VAMP2: variants seen among roughly 807,000 people sequenced by gnomAD.
VAMP2 encodes vesicle-associated membrane protein 2.
For missense variants in VAMP2, 95 were observed against 151.3 expected (o/e 0.63, Z 1.95); for synonymous variants, 67 against 57.3 (o/e 1.17, Z -0.76).
intron 1 of VAMP2, 155 bp from the exon 2 acceptor site, chr17:8,162,524 C>A (rs1983348290): frequency 5.9e-6 from 9 of 1,515,744 alleles, no homozygotes; most frequent in Non-Finnish European, 7.9e-6. Context: ...CCAGCCCTGC[C>A]GCCGATGAGC....
intron 2 of VAMP2, among the ~76,000 whole-genome samples, 165 bp from the exon 3 acceptor site, chr17:8,161,931 C>G (rs1025919856): frequency 6.6e-6 from 1 of 152,122 alleles, no homozygotes; most frequent in Non-Finnish European, 1.5e-5. Context: ...TGGGGACATG[C>G]AAGGAGCACA....
At position 8,161,087 on chromosome 17, in the gene VAMP2, C is replaced by G. The variant is rs553431099; in HGVS notation, c.335-216G>C. 3.4e-5 allele frequency: 19 copies of G among 557,218 alleles called. No individual in the cohort carries two copies. The East Asian group carries it at 5.0e-4, about 15-fold the overall frequency. The allele number at this position is 557,218 out of a possible 1,614,324, so 34.5% of individuals were successfully genotyped here. On this transcript the variant is annotated intron_variant, in intron 4 of 4. Transcript: ENST00000316509. ...GCTCCATGGTATGGCCTTGAAGCCA[C>G]AGACCCTAATCCTCTGAGCCTCTGA...
intron 4 of VAMP2, chr17:8,161,228 TA>T: frequency 1.6e-6 from 1 of 621,104 alleles, no homozygotes; most frequent in Non-Finnish European, 2.8e-6. Context: ...CTCTTAGGCC[TA>T]AAGGGTCCTC....
intron 1 of VAMP2, 60 bp downstream of exon 1, chr17:8,162,818 T>A: frequency 8.2e-7 from 1 of 1,214,590 alleles, no homozygotes; most frequent in South Asian, 4.1e-5. Flanking sequence ...CGACGGCCGG[T>A]TGCCAAGGGC....
chr17:8,162,120 G>A (rs1039474931), intron 2 of VAMP2, 129 bp downstream of exon 2: 2 of 1,397,748 alleles, frequency 1.4e-6, no homozygotes, highest in South Asian at 3.0e-5. Context: ...GACAGGGATG[G>A]GGCATGGTAT....
At chr17:8,161,915 C>G in intron 2 of VAMP2, 149 bp from the exon 3 acceptor site, 2 of 1,281,550 alleles carry the variant, frequency 1.6e-6, no homozygotes, top group Middle Eastern at 2.8e-4. Flanking sequence ...ACATGCCTAG[C>G]ACACCTGGGG....
At chr17:8,162,567 A>T in intron 1 of VAMP2, 198 bp from the exon 2 acceptor site, 1 of 1,461,284 alleles carries the variant, frequency 6.8e-7, no homozygotes, top group Non-Finnish European at 9.0e-7. Flanking sequence ...CCCCGGCCTC[A>T]GTTTCCCCGC....
intron 4 of VAMP2, 164 bp downstream of exon 4, chr17:8,161,308 TA>T: frequency 9.7e-7 from 1 of 1,030,816 alleles, no homozygotes. Context: ...AAATGCAGGC[TA>T]AATAACATCA....
At chr17:8,161,140 G>T (rs1397925658) in intron 4 of VAMP2, 1 of 552,934 alleles carries the variant, frequency 1.8e-6, no homozygotes, top group Non-Finnish European at 3.2e-6. Flanking sequence ...TAATGGGGTG[G>T]TTGGCTTCCT....
Position 8,161,467 on chromosome 17 carries a change from A to C in VAMP2, c.334+6T>G. 1 of 1,613,996 alleles carries C rather than the reference A, an allele frequency of 6.2e-7. No homozygotes were observed. The highest frequency in any genetic ancestry group is 8.5e-7 in the Non-Finnish European group (1 of 1,179,972). On this transcript the variant is annotated splice_donor_region_variant and intron_variant, in intron 4 of 4. Coordinates refer to ENST00000316509, the MANE Select transcript of VAMP2 (RefSeq NM_014232.3). ...AAAGGGCCCCGGCCATTCTCACCCT[A>C]CTCACCTATGATGATGATGAGGATG...
intron 1 of VAMP2, 45 bp from the exon 2 acceptor site, chr17:8,162,414 G>T (rs370395214): frequency 6.2e-7 from 1 of 1,603,552 alleles, no homozygotes; most frequent in African/African-American, 1.3e-5. Flanking sequence ...GCAGCCTCCC[G>T]GCCCCGCAGC....
intron 1 of VAMP2, 181 bp from the exon 2 acceptor site, chr17:8,162,550 G>T: frequency 6.8e-7 from 1 of 1,477,264 alleles, no homozygotes; most frequent in African/African-American, 1.4e-5. Context: ...GACCTTGAGC[G>T]AGGCCCCCCC....
At chr17:8,160,936 G>C (rs1983294346) in intron 4 of VAMP2, 65 bp from the exon 5 acceptor site, 1 of 1,457,724 alleles carries the variant, frequency 6.9e-7, no homozygotes, top group African/African-American at 1.4e-5. Flanking sequence ...GAACAAGAAA[G>C]CAGTGTGTCA....
intron 2 of VAMP2, 114 bp downstream of exon 2, chr17:8,162,135 G>A (rs1983332793): frequency 8.3e-6 from 12 of 1,446,212 alleles, no homozygotes; most frequent in South Asian, 1.5e-5. Context: ...TGGTATCTTT[G>A]TCCGCAAACC....
Position 8,161,669 on chromosome 17 carries a change from G to GC in VAMP2, c.220dup (p.Ala74GlyfsTer5). ...GGCTGCGCTTGTTTCAAACTGGGAGGCCCCCGCCTGGAGTGCATCTGCACG... is the reference window on the plus strand; with the variant it reads ...GGCTGCGCTTGTTTCAAACTGGGAGGCCCCCCGCCTGGAGTGCATCTGCACG... On this transcript the variant is annotated frameshift_variant, in exon 3 of 5. Coordinates refer to ENST00000316509, the MANE Select transcript of VAMP2 (RefSeq NM_014232.3). LOFTEE classifies it high-confidence loss of function. 1 of 1,614,076 alleles carries GC rather than the reference G, an allele frequency of 6.2e-7. No individual in the cohort carries two copies. Among genetic ancestry groups the GC allele is most frequent in the Non-Finnish European group, 8.5e-7 (1 of 1,179,988 alleles).
chr17:8,160,384 T>TTTTTTTTTTTTTTTTTTTTTTG lies in VAMP2; in HGVS notation c.*449_*470dup, dbSNP rs1983264268. ...GAAGCCTGGACAGGTGCTGTTGTTT[T>TTTTTTTTTTTTTTTTTTTTTTG]TTTTTTTTTTTTTTTTTTTTTGAGG... On this transcript the variant is annotated 3_prime_UTR_variant, in exon 5 of 5. Coordinates refer to ENST00000316509, the MANE Select transcript of VAMP2 (RefSeq NM_014232.3). 8.1e-6 allele frequency: 1 copy of TTTTTTTTTTTTTTTTTTTTTTG among 123,038 alleles called. No individual in the cohort carries two copies. Among genetic ancestry groups the TTTTTTTTTTTTTTTTTTTTTTG allele is most frequent in the Non-Finnish European group, 1.7e-5 (1 of 58,092 alleles). The allele number at this position is 123,038 out of a possible 1,614,324, so 7.6% of individuals were successfully genotyped here.
intron 1 of VAMP2, 171 bp downstream of exon 1, chr17:8,162,707 G>A: frequency 1.5e-6 from 2 of 1,310,822 alleles, no homozygotes; most frequent in Non-Finnish European, 9.7e-7. Context: ...CGCCCGAGCC[G>A]GCCAGCCCGG....
At position 8,162,835 on chromosome 17, in the gene VAMP2, C is replaced by G. The variant is rs529052595; in HGVS notation, c.2+43G>C. On this transcript the variant is annotated intron_variant, in intron 1 of 4. Transcript: ENST00000316509. Reference sequence around the variant, plus strand: ...ACGGCCGGTTGCCAAGGGCGGCGGCCGGCGCAGGGAAGCGCGGTGAGGGTG... The same window carrying G: ...ACGGCCGGTTGCCAAGGGCGGCGGCGGGCGCAGGGAAGCGCGGTGAGGGTG... 19 of 1,214,278 alleles carry G rather than the reference C, an allele frequency of 1.6e-5. No individual in the cohort carries two copies. In the South Asian group the frequency reaches 7.4e-4, roughly 47 times the overall value. 75.2% of individuals were successfully genotyped at this position (1,214,278 alleles called of 1,614,324 possible). A position where few individuals can be genotyped will look rare whatever the true frequency, so the allele number is the denominator to read the frequency against.
At chr17:8,161,791 G>C in intron 2 of VAMP2, 25 bp from the exon 3 acceptor site, 3 of 1,604,870 alleles carry the variant, frequency 1.9e-6, no homozygotes, top group Middle Eastern at 3.3e-4. Flanking sequence ...CACGAGGCAG[G>C]GGGGTGTGCC....
Sources: allele counts gnomAD v4.1 joint callset (sites outside exome capture counted in the v4.1 genomes callset), GRCh38; gene constraint gnomAD v4.1.1; transcripts MANE v1.5; gene names NCBI Gene and HGNC (gene_info 2026-07-23, HGNC 2026-07-21).